Variants in MAST4 observed in about 807,000 individuals in gnomAD.
MAST4 encodes the protein microtubule-associated serine/threonine-protein kinase 4.
MAST4 carries 89 observed loss-of-function variants against 162.7 expected under a neutral mutation model. The ratio of observed to expected loss-of-function variants is 0.55; its 90% confidence interval spans 0.46 to 0.65. The LOEUF is 0.65. Among genes scored for constraint, MAST4 ranks in the 30% least tolerant of loss-of-function variants. The pLI is 0.00. For missense variants in MAST4, 3,153 were observed against 3,374.0 expected (o/e 0.93, Z 1.62); for synonymous variants, 1,479 against 1,361.1 (o/e 1.09, Z -1.91).
At position 67,033,716 on chromosome 5, in the gene MAST4, T is replaced by C. The variant is rs1324986980; in HGVS notation, c.675-20688T>C. 2.0e-5 allele frequency among the ~76,000 whole-genome samples: 3 copies of C among 152,186 alleles called. No individual in the cohort carries two copies. In the East Asian group the frequency reaches 5.8e-4, roughly 29 times the overall value. On this transcript the variant is annotated intron_variant, in intron 4 of 28. Transcript: ENST00000403625. ...GGGAAGACAGTCTGCCTGTGGGTTTTGTTTGTTTGTTTGTTTGTTTCTCTT... is the reference window on the plus strand; with the variant it reads ...GGGAAGACAGTCTGCCTGTGGGTTTCGTTTGTTTGTTTGTTTGTTTCTCTT...
chr5:66,873,359 C>T (rs1421023198), intron 3 of MAST4, among the ~76,000 whole-genome samples: 4 of 152,180 alleles, frequency 2.6e-5, no homozygotes, highest in Non-Finnish European at 5.9e-5. Flanking sequence ...TTTATAAGCA[C>T]ACTTTGCTTA....
intron 4 of MAST4, among the ~76,000 whole-genome samples, chr5:66,904,247 C>G (rs1306784411): frequency 1.3e-5 from 2 of 152,168 alleles, no homozygotes; most frequent in Admixed American, 1.3e-4. Context: ...GTGTCCCTGG[C>G]AGCCACTATT....
chr5:66,822,995 G>A (rs1273917086), intron 3 of MAST4, among the ~76,000 whole-genome samples: 1 of 152,166 alleles, frequency 6.6e-6, no homozygotes, highest in African/African-American at 2.4e-5. Context: ...TGTCAAGGGA[G>A]AGATCAGATA....
intron 1 of MAST4, among the ~76,000 whole-genome samples, chr5:66,725,649 A>G (rs1241034821): frequency 6.6e-6 from 1 of 152,188 alleles, no homozygotes; most frequent in African/African-American, 2.4e-5. Flanking sequence ...CATTTCTGAT[A>G]TCTTTTGGTC....
At chr5:66,997,985 C>T (rs1336345705) in intron 4 of MAST4, among the ~76,000 whole-genome samples, 1 of 152,212 alleles carries the variant, frequency 6.6e-6, no homozygotes, top group Admixed American at 6.5e-5. Flanking sequence ...ATTTCTACCT[C>T]TGTATATGCT....
chr5:66,760,882 T>C (rs946440722), intron 2 of MAST4, among the ~76,000 whole-genome samples: 2 of 152,220 alleles, frequency 1.3e-5, no homozygotes, highest in African/African-American at 4.8e-5. Context: ...ATATGCTAAC[T>C]ACCCTGATCT....
At chr5:66,917,884 G>T (rs1028468290) in intron 4 of MAST4, among the ~76,000 whole-genome samples, 1 of 151,796 alleles carries the variant, frequency 6.6e-6, no homozygotes. Context: ...TTTCCACATT[G>T]TTCTGGTTAA....
intron 3 of MAST4, among the ~76,000 whole-genome samples, chr5:66,793,615 A>G (rs1755521699): frequency 6.6e-6 from 1 of 152,222 alleles, no homozygotes; most frequent in South Asian, 2.1e-4. Context: ...GGCCATCATC[A>G]GAAATATTCA....
chr5:66,861,312 A>G (rs1194431161), intron 3 of MAST4, among the ~76,000 whole-genome samples: 1 of 152,252 alleles, frequency 6.6e-6, no homozygotes, highest in Non-Finnish European at 1.5e-5. Context: ...TAAAGGTGAT[A>G]CAAATCAGCA....
rs59771853 is a variant in MAST4 at position 66,911,558 on chromosome 5, A to ACCCCCCCC, written c.674+11586_674+11593dup. ...CTCTACAAACAAACAAACAACAACA[A>ACCCCCCCC]CCCCCCCCCCCCCCCCCGCAAAAAA... On this transcript the variant is annotated intron_variant, in intron 4 of 28. Coordinates refer to ENST00000403625, the MANE Select transcript of MAST4 (RefSeq NM_001164664.2). Among the ~76,000 whole-genome samples the ACCCCCCCC allele has an allele frequency of 1.1e-4, 2 of 18,094 alleles. 1 individual carries two copies. The highest frequency in any genetic ancestry group is 2.1e-4 in the Non-Finnish European group (2 of 9,442). 11.9% of individuals were successfully genotyped at this position (18,094 alleles called of 152,430 possible).
chr5:66,611,893 G>A (rs1033940358), intron 1 of MAST4, among the ~76,000 whole-genome samples: 3 of 152,146 alleles, frequency 2.0e-5, no homozygotes, highest in African/African-American at 7.2e-5. Context: ...TATAACAATT[G>A]CCACTAAGAT....
intron 3 of MAST4, among the ~76,000 whole-genome samples, chr5:66,797,818 G>A (rs1755725433): frequency 6.6e-6 from 1 of 152,172 alleles, no homozygotes; most frequent in African/African-American, 2.4e-5. Context: ...TGTGATGGGT[G>A]GGGAGTGGTA....
At chr5:66,615,012 T>C (rs1425348022) in intron 1 of MAST4, among the ~76,000 whole-genome samples, 1 of 152,202 alleles carries the variant, frequency 6.6e-6, no homozygotes, top group Non-Finnish European at 1.5e-5. Flanking sequence ...ACCAGGACCC[T>C]TGTAAGGCCT....
At chr5:67,149,339 C>T in intron 23 of MAST4, 50 bp from the exon 24 acceptor site, 2 of 1,537,044 alleles carry the variant, frequency 1.3e-6, no homozygotes, top group Non-Finnish European at 1.8e-6. Flanking sequence ...CTTCCCACCT[C>T]TCCTATCCTG....
chr5:67,042,482 A>G (rs1190700328), intron 4 of MAST4, among the ~76,000 whole-genome samples: 1 of 151,914 alleles, frequency 6.6e-6, no homozygotes, highest in Non-Finnish European at 1.5e-5. Context: ...AAGAAAAGAC[A>G]TCTGTCAAGT....
intron 1 of MAST4, among the ~76,000 whole-genome samples, chr5:66,716,137 A>AG (rs1750822288): frequency 6.6e-6 from 1 of 152,206 alleles, no homozygotes; most frequent in Non-Finnish European, 1.5e-5. Flanking sequence ...TATAAATTTA[A>AG]GGGAAAAAAA....
At chr5:66,689,250 G>A (rs1295033276) in intron 1 of MAST4, among the ~76,000 whole-genome samples, 1 of 152,112 alleles carries the variant, frequency 6.6e-6, no homozygotes, top group Non-Finnish European at 1.5e-5. Context: ...CTAACCTGAT[G>A]TTGCTTTATC....
chr5:66,696,840 T>A (rs1749437030), intron 1 of MAST4, among the ~76,000 whole-genome samples: 1 of 152,202 alleles, frequency 6.6e-6, no homozygotes, highest in Admixed American at 6.5e-5. Flanking sequence ...ACAGTACTAG[T>A]AGTTATTGCA....
chr5:66,900,019 A>G, intron 4 of MAST4, 37 bp downstream of exon 4: 1 of 1,373,768 alleles, frequency 7.3e-7, no homozygotes, highest in Non-Finnish European at 9.8e-7. Context: ...TTTTCTTTTT[A>G]TTAATATATA....
Sources: gnomAD v4.1 joint callset for allele counts (sites outside exome capture counted in the v4.1 genomes callset) on GRCh38, gnomAD v4.1.1 for gene constraint, MANE v1.5 for transcripts, NCBI Gene and HGNC (gene_info 2026-07-23, HGNC 2026-07-21) for gene names.